The following ERC2 variants were observed in gnomAD, a reference collection of about 807,000 sequenced individuals.
ERC2 encodes ERC protein 2.
A neutral mutation model predicts 114.8 loss-of-function variants in ERC2; 42 were observed. The ratio of observed to expected loss-of-function variants is 0.37; its 90% CI spans 0.29 to 0.47. The LOEUF (loss-of-function observed/expected upper bound fraction) is 0.47. ERC2 is among the 20% of genes least tolerant of loss of function. The pLI is 0.99. For missense variants in ERC2, 939 were observed against 1,150.7 expected (o/e 0.82, Z 2.66); for synonymous variants, 454 against 425.5 (o/e 1.07, Z -0.82).
chr3:55,539,051 G>C (rs2054190724), intron 17 of ERC2, among the ~76,000 whole-genome samples: 2 of 152,218 alleles, frequency 1.3e-5, no homozygotes, highest in South Asian at 4.1e-4. Context: ...ATAATTTTCT[G>C]CATCTGAAAA....
intron 3 of ERC2, among the ~76,000 whole-genome samples, chr3:56,251,805 C>T (rs1030097264): frequency 6.6e-6 from 1 of 152,202 alleles, no homozygotes; most frequent in Non-Finnish European, 1.5e-5. Flanking sequence ...TGGCATTCCG[C>T]ACTTGTATTC....
At position 55,938,444 on chromosome 3, in the gene ERC2, A is replaced by G. The variant is rs186171668; in HGVS notation, c.2403+11981T>C. Among the ~76,000 whole-genome samples, 317 of 152,320 alleles carry G rather than the reference A, an allele frequency of 2.1e-3. 1 individual carries two copies. The highest frequency in any genetic ancestry group is 3.7e-3 in the Non-Finnish European group (249 of 68,028). ...GTGAAGTGAAACTTTATTCTGGTGA[A>G]CCAAGCAACAGTCAAGAACGACCTT... On this transcript the variant is annotated intron_variant, in intron 13 of 17. Transcript: ENST00000288221.
At position 55,888,426 on chromosome 3, in the gene ERC2, C is replaced by T; in HGVS notation, c.2527G>A (p.Glu843Lys). ...KEAHLANLRI[E>K]RRKQLEEILE... ...ATCTCCTCCAGCTGTTTCCTCCTCT[C>T]AATCCGGAGGTTGGCCAAGTGCGCT... The change falls in exon 14 of 18, where the codon GAG (glutamate) becomes AAG (lysine). Residue 843 changes from glutamate (E) to lysine (K), a missense_variant. By Grantham distance (56) the Glu-to-Lys change is moderately conservative. Around this residue, in one of 5 missense-constraint regions of ERC2, gnomAD observed 328 missense variants for 353.9 expected, o/e 0.93. Coordinates refer to ENST00000288221, the MANE Select transcript of ERC2 (RefSeq NM_015576.3). 6.2e-7 allele frequency: 1 copy of T among 1,613,886 alleles called. No individual in the cohort carries two copies. Among genetic ancestry groups the T allele is most frequent in the African/African-American group, 1.3e-5 (1 of 75,014 alleles).
At chr3:55,757,965 T>A (rs764761246) in intron 14 of ERC2, among the ~76,000 whole-genome samples, 13 of 152,120 alleles carry the variant, frequency 8.5e-5, no homozygotes, top group Non-Finnish European at 1.5e-4. Flanking sequence ...ACCTCTGAGT[T>A]CTTATTTTTT....
intron 7 of ERC2, among the ~76,000 whole-genome samples, chr3:56,030,406 T>C (rs2074306804): frequency 6.6e-6 from 1 of 152,206 alleles, no homozygotes; most frequent in African/African-American, 2.4e-5. Context: ...CAATTGCTGA[T>C]AGTGGTATGT....
intron 7 of ERC2, among the ~76,000 whole-genome samples, chr3:56,030,070 A>G (rs905051842): frequency 6.6e-6 from 1 of 152,076 alleles, no homozygotes; most frequent in African/African-American, 2.4e-5. Flanking sequence ...TCTTTCGACT[A>G]TGGGTTACTT....
intron 3 of ERC2, among the ~76,000 whole-genome samples, chr3:56,246,954 C>A (rs2051752295): frequency 6.6e-6 from 1 of 152,240 alleles, no homozygotes; most frequent in Admixed American, 6.5e-5. Flanking sequence ...GTATGACCAG[C>A]CATCTGGTGC....
At chr3:56,272,225 C>A (rs887801861) in intron 3 of ERC2, among the ~76,000 whole-genome samples, 1 of 152,144 alleles carries the variant, frequency 6.6e-6, no homozygotes, top group Non-Finnish European at 1.5e-5. Flanking sequence ...CCTGGGCACA[C>A]CAAAACCAAA....
At chr3:56,023,895 G>A (rs2073890836) in intron 7 of ERC2, among the ~76,000 whole-genome samples, 1 of 152,102 alleles carries the variant, frequency 6.6e-6, no homozygotes, top group Non-Finnish European at 1.5e-5. Flanking sequence ...ATTCTACAAA[G>A]AAGTAAAGAA....
chr3:56,069,883 A>G (rs1261343387), intron 7 of ERC2, among the ~76,000 whole-genome samples: 1 of 152,214 alleles, frequency 6.6e-6, no homozygotes, highest in Non-Finnish European at 1.5e-5. Context: ...GCAGTTACAT[A>G]TTTTAGTCTG....
At chr3:56,059,595 C>T (rs1328889068) in intron 7 of ERC2, among the ~76,000 whole-genome samples, 1 of 152,130 alleles carries the variant, frequency 6.6e-6, no homozygotes, top group African/African-American at 2.4e-5. Context: ...CCCAGAAGTC[C>T]TCTCTAAACA....
intron 14 of ERC2, among the ~76,000 whole-genome samples, chr3:55,853,126 T>TATCCACC (rs1356485041): frequency 4.6e-5 from 7 of 152,184 alleles, no homozygotes; most frequent in African/African-American, 1.7e-4. Context: ...GAACTCCTGA[T>TATCCACC]CTAAGGTGAC....
At chr3:56,013,886 T>C (rs1383732994) in intron 8 of ERC2, among the ~76,000 whole-genome samples, 1 of 152,160 alleles carries the variant, frequency 6.6e-6, no homozygotes, top group African/African-American at 2.4e-5. Context: ...TCCTAGATGA[T>C]AAGATTATTT....
intron 17 of ERC2, among the ~76,000 whole-genome samples, chr3:55,557,279 G>A (rs2055680727): frequency 6.6e-6 from 1 of 152,186 alleles, no homozygotes; most frequent in Admixed American, 6.5e-5. Context: ...AGGTGAGAGA[G>A]ACATGTTCTA....
At chr3:56,190,418 G>A (rs996861042) in intron 3 of ERC2, among the ~76,000 whole-genome samples, 1 of 152,086 alleles carries the variant, frequency 6.6e-6, no homozygotes. Flanking sequence ...CTGGAACATA[G>A]TTCAATAAGT....
intron 5 of ERC2, 54 bp from the exon 6 acceptor site, chr3:56,139,730 T>C (rs758405252): frequency 2.6e-6 from 4 of 1,516,604 alleles, no homozygotes; most frequent in East Asian, 4.9e-5. Flanking sequence ...CCCTACACTT[T>C]ACATTGGACA....
intron 7 of ERC2, among the ~76,000 whole-genome samples, chr3:56,024,799 C>G (rs1484329147): frequency 1.3e-5 from 2 of 152,204 alleles, no homozygotes; most frequent in Non-Finnish European, 2.9e-5. Context: ...TCTGGACTTT[C>G]TTTCTCTCAA....
chr3:55,679,984 G>A (rs549654952), intron 17 of ERC2, among the ~76,000 whole-genome samples: 40 of 152,240 alleles, frequency 2.6e-4, no homozygotes, highest in African/African-American at 9.4e-4. Flanking sequence ...TTCCAGAGGG[G>A]AGGCATGGCA....
At position 56,341,098 on chromosome 3, in the gene ERC2, A is replaced by G. The variant is rs962384361; in HGVS notation, c.658-44663T>C. 2.6e-5 allele frequency among the ~76,000 whole-genome samples: 4 copies of G among 152,204 alleles called. No individual in the cohort carries two copies. The South Asian group carries it at 8.3e-4, about 31-fold the overall frequency. ...TAGATGAGTCGGTGTAAATCTTTAA[A>G]GAACTGACTGTTATTTAAAAATTAA... On this transcript the variant is annotated intron_variant, in intron 2 of 17. Coordinates refer to ENST00000288221, the MANE Select transcript of ERC2 (RefSeq NM_015576.3).
Sources: gnomAD v4.1 joint callset for allele counts (sites outside exome capture counted in the v4.1 genomes callset) on GRCh38, gnomAD v4.1.1 for gene constraint, gnomAD v4.1.1 regional missense constraint, MANE v1.5 for transcripts, NCBI Gene and HGNC (gene_info 2026-07-23, HGNC 2026-07-21) for gene names.